MPRIP: variants seen among roughly 807,000 people sequenced by gnomAD.
The protein encoded by MPRIP is myosin phosphatase Rho-interacting protein.
Under a neutral mutation model 234.9 loss-of-function variants are expected in MPRIP, and 59 were observed. The ratio of observed to expected loss-of-function variants is 0.25; its 90% CI spans 0.20 to 0.31. The LOEUF is 0.31. MPRIP is among the 10% of genes least tolerant of loss of function. The pLI is 1.00. For missense variants in MPRIP, 2,436 were observed against 3,071.0 expected, an observed-to-expected ratio of 0.79 and a Z score of 4.89; for synonymous variants, 1,144 against 1,263.9, an observed-to-expected ratio of 0.91 and a Z score of 2.01.
rs1173201169 is a variant in MPRIP, at chr17:17,137,256, A to G, written c.737-660A>G. Among the ~76,000 whole-genome samples, 6 of 152,178 alleles carry G rather than the reference A, an allele frequency of 3.9e-5. No homozygotes were observed. The South Asian group carries it at 6.2e-4, about 16-fold the overall frequency. On this transcript the variant is annotated intron_variant, in intron 6 of 23. Transcript: ENST00000651222. The stretch of plus-strand genomic sequence containing the variant: ...GGGCCGGGCATGGTGGCTCACGCCT[A>G]TAATCCCAGCACTTTGGGAGGCTGA...
intron 19 of MPRIP, among the ~76,000 whole-genome samples, chr17:17,174,612 G>A (rs1253809478): frequency 6.6e-6 from 1 of 152,124 alleles, no homozygotes; most frequent in African/African-American, 2.4e-5. Context: ...CAAGACGGGC[G>A]GATCACAAGG....
chr17:17,163,485 A>G (rs2045916111), intron 15 of MPRIP, among the ~76,000 whole-genome samples: 1 of 152,070 alleles, frequency 6.6e-6, no homozygotes. Flanking sequence ...ATCTTACTCC[A>G]TGGTTCCCGT....
rs1481677846 is a variant in MPRIP, at chr17:17,167,159, G to A, written c.5568G>A (p.Arg1856=). 1.5e-6 allele frequency: 2 copies of A among 1,303,992 alleles called. No homozygotes were observed. The highest frequency in any genetic ancestry group is 2.3e-5 in the Admixed American group (1 of 43,530). 80.8% of individuals were successfully genotyped at this position (1,303,992 alleles called of 1,614,324 possible). Residue 1856 remains arginine, a synonymous_variant, in exon 16 of 24, where the codon CGG becomes CGA. Transcript: ENST00000651222. The surrounding 1 kb of genome is among the most constrained non-coding windows in gnomAD (Gnocchi z 5.9). ...AQVCYASCRI[R]LEYEKELQLC... ...TTTGCTATGCGTCCTGCAGAATCCG[G>A]CTAGAATATGAGAAGGAGCTCCAGC...
intron 3 of MPRIP, among the ~76,000 whole-genome samples, chr17:17,106,090 C>T (rs1055116116): frequency 4.0e-5 from 6 of 151,856 alleles, no homozygotes; most frequent in Admixed American, 2.0e-4. Flanking sequence ...CAGAGCACGG[C>T]ATCTCCAGGT....
In MPRIP at chr17:17,184,783, C is replaced by A. The variant is rs370706492; in HGVS notation, c.7207-40C>A. ...GTCCGGTCCAGTGCAGGGGGTCTAA[C>A]GGTGTGTTTATTTTCTCCTCCTGCT... On this transcript the variant is annotated intron_variant, in intron 23 of 23. Coordinates refer to ENST00000651222, the MANE Select transcript of MPRIP (RefSeq NM_001364716.4). The A allele has an allele frequency of 4.0e-6, 6 of 1,510,824 alleles. No individual in the cohort carries two copies. The South Asian group carries it at 5.6e-5, about 14-fold the overall frequency. The allele number at this position is 1,510,824 out of a possible 1,614,324, so 93.6% of individuals were successfully genotyped here. A position where few individuals can be genotyped will look rare whatever the true frequency, so the allele number is the denominator to read the frequency against.
intron 16 of MPRIP, chr17:17,169,146 A>G (rs560799763): frequency 1.0e-5 from 4 of 386,672 alleles, no homozygotes; most frequent in African/African-American, 8.3e-5. Context: ...GAAGGTTTCA[A>G]CAGCTATGTT....
intron 3 of MPRIP, among the ~76,000 whole-genome samples, chr17:17,111,217 G>T (rs7215338): frequency 1.2e-4 from 16 of 135,518 alleles, no homozygotes; most frequent in Non-Finnish European, 2.0e-4. Flanking sequence ...TTTCACAAGG[G>T]GTAGTCCCAA....
intron 3 of MPRIP, among the ~76,000 whole-genome samples, chr17:17,095,774 A>C (rs2089824666): frequency 6.6e-6 from 1 of 152,092 alleles, no homozygotes; most frequent in Non-Finnish European, 1.5e-5. Flanking sequence ...TCCTGCTCTC[A>C]GCCCTGCCCC....
intron 1 of MPRIP, among the ~76,000 whole-genome samples, chr17:17,044,247 C>T (rs909448375): frequency 1.3e-5 from 2 of 152,148 alleles, no homozygotes; most frequent in African/African-American, 2.4e-5. Context: ...CAGCTTGGGA[C>T]GGATAGAACT....
At position 17,187,041 on chromosome 17, in the gene MPRIP, CT is replaced by C. The variant is rs1330470794; in HGVS notation, c.*2148del. 2.0e-5 allele frequency: 3 copies of C among 152,310 alleles called. No individual in the cohort carries two copies. The highest frequency in any genetic ancestry group is 7.2e-5 in the African/African-American group (3 of 41,458). The allele number at this position is 152,310 out of a possible 1,614,324, so 9.4% of individuals were successfully genotyped here. On this transcript the variant is annotated 3_prime_UTR_variant, in exon 24 of 24. Coordinates refer to ENST00000651222, the MANE Select transcript of MPRIP (RefSeq NM_001364716.4). ...TCCTTCGTGACCATCCCTGCTGCCC[CT>C]GGGGGTGGACCCCACTGGCCCTTCT...
At position 17,177,261 on chromosome 17, in the gene MPRIP, C is replaced by T. The variant is rs2292528; in HGVS notation, c.6969C>T (p.Tyr2323=). ...ATTTCACTCCCAAGGACAAGAAGTA[C>T]GCAAGTGACAAGTACAAAGACATCT... is the stretch of plus-strand genomic sequence containing the variant. ...ELQTALRDKK[Y]ASDKYKDIYT... Residue 2323 remains tyrosine (Y), a synonymous_variant, in exon 22 of 24, where the codon TAC becomes TAT. Coordinates refer to ENST00000651222, the MANE Select transcript of MPRIP (RefSeq NM_001364716.4). The T allele has an allele frequency of 0.029, 45,985 of 1,611,592 alleles. 1,098 individuals carry two copies. The highest frequency in any genetic ancestry group is 0.13 in the East Asian group (5,688 of 44,768).
rs1597492794 is a variant in MPRIP at position 17,165,778 on chromosome 17, A to G, written c.4187A>G (p.Lys1396Arg). The G allele has an allele frequency of 1.5e-6, 2 of 1,304,540 alleles. No homozygotes were observed. Among genetic ancestry groups the G allele is most frequent in the East Asian group, 1.1e-4 (2 of 18,040 alleles). 80.8% of individuals were successfully genotyped at this position (1,304,540 alleles called of 1,614,324 possible). A position where few individuals can be genotyped will look rare whatever the true frequency, so the allele number is the denominator to read the frequency against. Reference protein sequence around the residue: ...LETKLYVTEEKLKDVTVRLES... With the variant: ...LETKLYVTEERLKDVTVRLES... ...ACCAAGCTCTACGTCACAGAGGAAA[A>G]GCTCAAAGACGTGACCGTGAGGCTG... The change falls in exon 16 of 24, where the codon AAG (lysine) becomes AGG (arginine). Residue 1396 changes from lysine to arginine, a missense_variant. Physicochemically the swap from Lys to Arg is conservative, Grantham distance 26 (BLOSUM62 2). Transcript: ENST00000651222.
At chr17:17,047,477 C>A (rs1196331668) in intron 1 of MPRIP, among the ~76,000 whole-genome samples, 1 of 152,044 alleles carries the variant, frequency 6.6e-6, no homozygotes, top group African/African-American at 2.4e-5. Context: ...TCTTTTATAG[C>A]TATTTTTATA....
chr17:17,108,129 C>T (rs772823401), intron 3 of MPRIP, among the ~76,000 whole-genome samples: 6 of 152,186 alleles, frequency 3.9e-5, no homozygotes, highest in Admixed American at 6.5e-5. Context: ...CTGAGGGTTT[C>T]GTTTTCTTGT....
chr17:17,176,633 A>G (rs2046260680), intron 21 of MPRIP, 121 bp downstream of exon 21: 2 of 777,406 alleles, frequency 2.6e-6, no homozygotes, highest in Non-Finnish European at 4.3e-6. Flanking sequence ...TCTTGTGAGG[A>G]AGGAGGTTTC....
In MPRIP at chr17:17,078,515, C is replaced by T. The variant is rs1165700551; in HGVS notation, c.267+439C>T. 6.6e-6 allele frequency among the ~76,000 whole-genome samples: 1 copy of T among 152,194 alleles called. No homozygotes were observed. The highest frequency in any genetic ancestry group is 1.5e-5 in the Non-Finnish European group (1 of 68,036). On this transcript the variant is annotated intron_variant, in intron 3 of 23. Coordinates refer to ENST00000651222, the MANE Select transcript of MPRIP (RefSeq NM_001364716.4). The surrounding 1 kb of genome is among the most constrained non-coding windows in gnomAD (Gnocchi z 4.3). ...AATTCTGCGACTGTAATTGGTTTTG[C>T]TTGTCTCATTTGAGCTTGGCTTAGT... is the stretch of plus-strand genomic sequence containing the variant.
rs74405342 is a variant in MPRIP, at chr17:17,117,107, G to A, written c.268-9595G>A. 1.4e-3 allele frequency among the ~76,000 whole-genome samples: 209 copies of A among 152,288 alleles called. 2 individuals are homozygous for A. The East Asian group carries it at 0.016, about 11-fold the overall frequency. On this transcript the variant is annotated intron_variant, in intron 3 of 23. Transcript: ENST00000651222. The stretch of plus-strand genomic sequence containing the variant: ...GCCTCTCTGCCACAGGGTAGAAGAC[G>A]GAACATGCCCGACACTGTCCTCCCT...
Position 17,164,578 on chromosome 17 carries a change from G to A in MPRIP, c.2987G>A (p.Arg996His), listed in dbSNP as rs371645508. 7.4e-6 allele frequency: 9 copies of A among 1,210,866 alleles called. No individual in the cohort carries two copies. Among genetic ancestry groups the A allele is most frequent in the East Asian group, 5.8e-5 (1 of 17,372 alleles). 75.0% of individuals were successfully genotyped at this position (1,210,866 alleles called of 1,614,324 possible). A position where few individuals can be genotyped will look rare whatever the true frequency, so the allele number is the denominator to read the frequency against. The part of the protein sequence containing the change: ...RQKEVQRLQE[R>H]IADLSQQLGA... ...AAGGAGGTCCAGAGGCTGCAGGAGC[G>A]CATTGCCGACCTCAGCCAGCAACTG... Residue 996 changes from arginine to histidine, a missense_variant, in exon 16 of 24, where the codon CGC becomes CAC. By Grantham distance (29) the Arg-to-His change is conservative (BLOSUM62 0). Transcript: ENST00000651222.
chr17:17,096,003 A>C lies in MPRIP; in HGVS notation c.267+17927A>C, dbSNP rs201098397. ...CCTTGAGAGTTTATACCTCCCCCCC[A>C]CACACACTTTATGGTCATATTAATT... On this transcript the variant is annotated intron_variant, in intron 3 of 23. Coordinates refer to ENST00000651222, the MANE Select transcript of MPRIP (RefSeq NM_001364716.4). 2.0e-3 allele frequency among the ~76,000 whole-genome samples: 283 copies of C among 144,396 alleles called. 1 individual carries two copies. Among genetic ancestry groups the C allele is most frequent in the African/African-American group, 7.1e-3 (270 of 38,266 alleles). The allele number at this position is 144,396 out of a possible 152,430, so 94.7% of individuals were successfully genotyped here. A position where few individuals can be genotyped will look rare whatever the true frequency, so the allele number is the denominator to read the frequency against.
Sources: allele counts gnomAD v4.1 joint callset (sites outside exome capture counted in the v4.1 genomes callset), GRCh38; gene constraint gnomAD v4.1.1; non-coding constraint Gnocchi (gnomAD v3.1); transcripts MANE v1.5; gene names NCBI Gene and HGNC (gene_info 2026-07-23, HGNC 2026-07-21).